GRM7: variants seen among roughly 807,000 people sequenced by gnomAD.
GRM7 encodes glutamate metabotropic receptor 7, also known as metabotropic glutamate receptor 7.
Under a neutral mutation model 84.5 loss-of-function variants are expected in GRM7, and 35 were observed. That is an observed-to-expected ratio of 0.41 (90% CI 0.32 to 0.55). The LOEUF is 0.55. GRM7 is among the 20% of genes least tolerant of loss of function. The pLI, the probability that GRM7 is intolerant of heterozygous loss-of-function variation, is 0.19. For synonymous variants in GRM7, 487 were observed against 455.1 expected (o/e 1.07, Z -0.89); for missense variants, 1,003 against 1,194.6 (o/e 0.84, Z 2.36).
At chr3:7,384,557 C>A (rs1243319292) in intron 4 of GRM7, among the ~76,000 whole-genome samples, 1 of 152,018 alleles carries the variant, frequency 6.6e-6, no homozygotes, top group Non-Finnish European at 1.5e-5. Flanking sequence ...TTATTTAACC[C>A]AATGTATCCC....
chr3:7,344,600 A>T (rs955254676), intron 4 of GRM7, among the ~76,000 whole-genome samples: 2 of 152,218 alleles, frequency 1.3e-5, no homozygotes, highest in African/African-American at 2.4e-5. Context: ...GTAAAAAATT[A>T]TATAAAAGCC....
At chr3:6,979,112 A>G in intron 1 of GRM7, among the ~76,000 whole-genome samples, 1 of 152,158 alleles carries the variant, frequency 6.6e-6, no homozygotes, top group East Asian at 1.9e-4. Flanking sequence ...TATCGACACT[A>G]AAATATTTCC....
intron 2 of GRM7, among the ~76,000 whole-genome samples, chr3:7,202,361 C>A (rs773854641): frequency 1.6e-4 from 25 of 152,100 alleles, no homozygotes; most frequent in Non-Finnish European, 2.6e-4. Context: ...GACAGAGTCT[C>A]ACTCTGTTGC....
At chr3:7,360,953 A>G (rs769068479) in intron 4 of GRM7, among the ~76,000 whole-genome samples, 1 of 152,038 alleles carries the variant, frequency 6.6e-6, no homozygotes, top group Non-Finnish European at 1.5e-5. Context: ...CATCTTGGAC[A>G]TGCTTTTTCA....
At chr3:7,276,384 A>T (rs1001519280) in intron 2 of GRM7, among the ~76,000 whole-genome samples, 1 of 151,874 alleles carries the variant, frequency 6.6e-6, no homozygotes, top group Admixed American at 6.6e-5. Context: ...TGTTTTCTTT[A>T]TCCCTTGATA....
intron 7 of GRM7, among the ~76,000 whole-genome samples, chr3:7,570,427 A>G (rs1000355676): frequency 6.6e-6 from 1 of 152,226 alleles, no homozygotes; most frequent in Non-Finnish European, 1.5e-5. Context: ...GCCATTCCAC[A>G]TGGGAGAAAT....
intron 3 of GRM7, among the ~76,000 whole-genome samples, chr3:7,299,275 C>T (rs528027265): frequency 6.6e-6 from 1 of 152,022 alleles, no homozygotes; most frequent in Non-Finnish European, 1.5e-5. Flanking sequence ...AGAACTTGAT[C>T]TTTCTTGGAC....
chr3:7,064,918 TTTA>T (rs1697596840), intron 1 of GRM7, among the ~76,000 whole-genome samples: 2 of 151,962 alleles, frequency 1.3e-5, no homozygotes, highest in African/African-American at 4.8e-5. Context: ...GTGGTTTTGA[TTTA>T]CATTTCTTTG....
chr3:7,580,022 G>T (rs1424811329), intron 8 of GRM7, among the ~76,000 whole-genome samples: 1 of 152,194 alleles, frequency 6.6e-6, no homozygotes, highest in Non-Finnish European at 1.5e-5. Flanking sequence ...GTCAATATTT[G>T]GTGCAGAGCT....
chr3:7,643,109 A>G (rs1275511627), intron 8 of GRM7, among the ~76,000 whole-genome samples: 1 of 152,172 alleles, frequency 6.6e-6, no homozygotes, highest in Non-Finnish European at 1.5e-5. Flanking sequence ...TTCAACATGC[A>G]GATCCCTATA....
intron 3 of GRM7, among the ~76,000 whole-genome samples, chr3:7,304,308 CT>C (rs34986687): frequency 0.46 from 45,057 of 97,818 alleles, 8,263 homozygotes; most frequent in Admixed American, 0.62. Flanking sequence ...ATCATCCATC[CT>C]TTTTTTTTTT....
intron 1 of GRM7, chr3:6,894,126 C>T (rs2124990323): frequency 6.6e-6 from 1 of 152,174 alleles, no homozygotes; most frequent in South Asian, 2.1e-4. Context: ...CAGATGAAAC[C>T]TCTTAGGTTT....
intron 6 of GRM7, among the ~76,000 whole-genome samples, chr3:7,455,232 G>T (rs1031114206): frequency 1.3e-5 from 2 of 152,112 alleles, no homozygotes; most frequent in Non-Finnish European, 2.9e-5. Flanking sequence ...ATGGAATAAA[G>T]TTAAGATGGA....
Position 6,908,973 on chromosome 3 carries a change from A to G in GRM7, c.519+47066A>G, listed in dbSNP as rs1696675941. Among the ~76,000 whole-genome samples, 3 of 152,124 alleles carry G rather than the reference A, an allele frequency of 2.0e-5. No homozygotes were observed. The South Asian group carries it at 6.2e-4, about 31-fold the overall frequency. On this transcript the variant is annotated intron_variant, in intron 1 of 9. Coordinates refer to ENST00000357716, the MANE Select transcript of GRM7 (RefSeq NM_000844.4). ...TAGAGACTTTAAATTCATGATCGAC[A>G]TCATATATTATAATTCAGTACCATT...
chr3:7,069,579 GA>G (rs1197155488), intron 1 of GRM7, among the ~76,000 whole-genome samples: 3 of 152,078 alleles, frequency 2.0e-5, no homozygotes, highest in African/African-American at 7.2e-5. Flanking sequence ...CTTGAGTAAA[GA>G]GATAGTTTTT....
chr3:7,402,662 T>A (rs1695500120), intron 4 of GRM7, among the ~76,000 whole-genome samples: 1 of 152,200 alleles, frequency 6.6e-6, no homozygotes, highest in South Asian at 2.1e-4. Context: ...TGATGTGAAA[T>A]TGAAAAATAT....
intron 2 of GRM7, among the ~76,000 whole-genome samples, chr3:7,251,335 A>T (rs73018208): frequency 0.072 from 11,003 of 152,140 alleles, 530 homozygotes; most frequent in Non-Finnish European, 0.11. Context: ...AGGAGTGAAG[A>T]TGATTAAGTT....
chr3:7,431,818 T>C (rs979308955), intron 5 of GRM7, among the ~76,000 whole-genome samples: 1 of 152,230 alleles, frequency 6.6e-6, no homozygotes, highest in Non-Finnish European at 1.5e-5. Context: ...TTGGTAGTTA[T>C]GGGAGTACCA....
chr3:7,387,946 G>A (rs143741219), intron 4 of GRM7, among the ~76,000 whole-genome samples: 6 of 152,102 alleles, frequency 3.9e-5, no homozygotes, highest in South Asian at 2.1e-4. Flanking sequence ...CCATTTGTTT[G>A]TGTCATCTAT....
Sources: allele counts gnomAD v4.1 joint callset (sites outside exome capture counted in the v4.1 genomes callset), GRCh38; gene constraint gnomAD v4.1.1; transcripts MANE v1.5; gene names NCBI Gene and HGNC (gene_info 2026-07-23, HGNC 2026-07-21).